TNS1: variants seen among roughly 807,000 people sequenced by gnomAD.
The protein encoded by TNS1 is tensin 1, also known as tensin-1.
A neutral mutation model predicts 168.6 loss-of-function variants in TNS1; 62 were observed. That is an observed-to-expected ratio of 0.37 (90% confidence interval 0.30 to 0.45). TNS1 has a LOEUF of 0.45. Ranked by LOEUF, TNS1 falls within the 20% of genes least tolerant of loss-of-function variation. TNS1 has a pLI of 1.00. For missense variants in TNS1, 2,240 were observed against 2,339.4 expected (o/e 0.96, Z 0.88); for synonymous variants, 934 against 933.2 (o/e 1.00, Z -0.02).
intron 1 of TNS1, among the ~76,000 whole-genome samples, chr2:218,000,162 A>C (rs1456983790): frequency 1.3e-5 from 2 of 152,272 alleles, no homozygotes; most frequent in African/African-American, 4.8e-5. Context: ...TGCATAATAA[A>C]TAGCTCTGCT....
intron 3 of TNS1, among the ~76,000 whole-genome samples, chr2:217,952,894 A>G (rs749541342): frequency 3.2e-4 from 48 of 152,216 alleles, no homozygotes; most frequent in Non-Finnish European, 4.9e-4. Context: ...TTTAGAGTTG[A>G]GCAGCCCAGT....
intron 22 of TNS1, among the ~76,000 whole-genome samples, chr2:217,827,592 CT>C (rs955989066): frequency 1.1e-4 from 17 of 152,226 alleles, no homozygotes; most frequent in African/African-American, 3.9e-4. Flanking sequence ...AGGAGAAGGA[CT>C]TTGAAATGGC....
chr2:217,900,483 C>T lies in TNS1; in HGVS notation c.351G>A (p.Gln117=). 6.5e-7 allele frequency: 1 copy of T among 1,535,408 alleles called. No homozygotes were observed. The highest frequency in any genetic ancestry group is 8.7e-7 in the Non-Finnish European group (1 of 1,146,704). ...CATACCTGATGGGCTGGAGGTGGGG[C>T]TGGACACTCGGGGTGACCCTGGTGG... ...NGSTRVTPSV[Q]PHLQPIRNMS... is the part of the protein sequence containing the mutation. The change falls in exon 7 of 33, where the codon CAG becomes CAA. Residue 117 remains glutamine (Q), a synonymous_variant. Transcript: ENST00000682258.
intron 3 of TNS1, among the ~76,000 whole-genome samples, chr2:217,941,440 C>T (rs993790552): frequency 3.3e-5 from 5 of 152,226 alleles, no homozygotes; most frequent in East Asian, 1.9e-4. Flanking sequence ...CAGCTGGGTG[C>T]GGACCTGGTA....
intron 18 of TNS1, among the ~76,000 whole-genome samples, chr2:217,868,544 T>C (rs1949489458): frequency 6.6e-6 from 1 of 152,194 alleles, no homozygotes; most frequent in Admixed American, 6.5e-5. Context: ...CAAGGTCAGG[T>C]AGTGGTATTA....
At chr2:217,876,772 G>A (rs1424918) in intron 18 of TNS1, among the ~76,000 whole-genome samples, 98,739 of 151,830 alleles carry the variant, frequency 0.65, 33,752 homozygotes, top group African/African-American at 0.86. Flanking sequence ...ATACAAGCAG[G>A]GGGAAGATGA....
intron 3 of TNS1, among the ~76,000 whole-genome samples, chr2:217,957,296 C>T (rs187176735): frequency 1.2e-4 from 18 of 152,302 alleles, no homozygotes; most frequent in Admixed American, 3.3e-4. Flanking sequence ...CAAGCTCCCC[C>T]TCCCTGCCCA....
At chr2:217,965,284 C>T (rs1378971818) in intron 3 of TNS1, among the ~76,000 whole-genome samples, 2 of 152,218 alleles carry the variant, frequency 1.3e-5, no homozygotes, top group African/African-American at 4.8e-5. Context: ...TACATTCTCT[C>T]TAATCCTCCC....
At chr2:217,953,280 G>A (rs1258873225) in intron 3 of TNS1, among the ~76,000 whole-genome samples, 1 of 152,188 alleles carries the variant, frequency 6.6e-6, no homozygotes, top group Admixed American at 6.5e-5. Context: ...CGGGGCAACA[G>A]CTACAGCCCC....
chr2:217,892,052 C>T (rs891070953), intron 11 of TNS1, among the ~76,000 whole-genome samples: 2 of 152,244 alleles, frequency 1.3e-5, no homozygotes, highest in Non-Finnish European at 2.9e-5. Flanking sequence ...CCCTCTGCTG[C>T]ATTCCCAGGA....
chr2:217,811,521 TC>T (rs1940901914), intron 28 of TNS1, among the ~76,000 whole-genome samples: 1 of 152,028 alleles, frequency 6.6e-6, no homozygotes, highest in Non-Finnish European at 1.5e-5. Flanking sequence ...TAGAAAAAAA[TC>T]CTAGGGCCAC....
chr2:217,912,734 C>T (rs561800311), intron 4 of TNS1, among the ~76,000 whole-genome samples: 7 of 152,086 alleles, frequency 4.6e-5, no homozygotes, highest in African/African-American at 1.2e-4. Context: ...TGAGATGGCA[C>T]GTTAGAGGTG....
At chr2:217,957,241 G>A (rs1172382875) in intron 3 of TNS1, among the ~76,000 whole-genome samples, 1 of 152,166 alleles carries the variant, frequency 6.6e-6, no homozygotes, top group African/African-American at 2.4e-5. Flanking sequence ...GGACATCTCA[G>A]GGACATGGTA....
chr2:217,821,334 C>A (rs1411480995), intron 23 of TNS1, among the ~76,000 whole-genome samples: 1 of 152,120 alleles, frequency 6.6e-6, no homozygotes, highest in Non-Finnish European at 1.5e-5. Flanking sequence ...TAGTGCTCAC[C>A]TCCTAGGATT....
At chr2:217,885,882 T>C (rs1029710185) in intron 14 of TNS1, 63 bp from the exon 15 acceptor site, 1 of 1,567,532 alleles carries the variant, frequency 6.4e-7, no homozygotes, top group East Asian at 2.2e-5. Flanking sequence ...GGAGGGGCAT[T>C]TTCTCCCTGC....
At chr2:217,964,562 T>G (rs1957576713) in intron 3 of TNS1, among the ~76,000 whole-genome samples, 2 of 152,334 alleles carry the variant, frequency 1.3e-5, no homozygotes, top group Admixed American at 1.3e-4. Context: ...AGTGTTGCTG[T>G]GAGGATTAGA....
intron 28 of TNS1, 72 bp from the exon 29 acceptor site, chr2:217,810,391 T>C: frequency 2.1e-6 from 3 of 1,455,124 alleles, no homozygotes; most frequent in South Asian, 2.3e-5. Flanking sequence ...GGGCTGAAGG[T>C]GAGCTCTGCA....
chr2:217,944,692 A>G (rs1349066818), intron 3 of TNS1, among the ~76,000 whole-genome samples: 1 of 152,240 alleles, frequency 6.6e-6, no homozygotes, highest in Non-Finnish European at 1.5e-5. Flanking sequence ...GCTGAGCTCC[A>G]GTTAATGAAA....
chr2:218,005,243 A>G (rs1033387250), upstream of TNS1, among the ~76,000 whole-genome samples: 8 of 152,242 alleles, frequency 5.3e-5, no homozygotes, highest in African/African-American at 1.9e-4. Context: ...GGGGCTTCCC[A>G]GAAATGCTGG....
Sources: gnomAD v4.1 joint callset for allele counts (sites outside exome capture counted in the v4.1 genomes callset) on GRCh38, gnomAD v4.1.1 for gene constraint, MANE v1.5 for transcripts, NCBI Gene and HGNC (gene_info 2026-07-23, HGNC 2026-07-21) for gene names.